The following NOSTRIN variants were observed in gnomAD, a reference collection of about 807,000 sequenced individuals.
NOSTRIN encodes the protein BM247 homolog.
NOSTRIN carries 63 observed loss-of-function variants against 59.0 expected under a neutral mutation model. The ratio of observed to expected loss-of-function variants is 1.07; its 90% confidence interval spans 0.87 to 1.32. The LOEUF (loss-of-function observed/expected upper bound fraction) is 1.32, where lower values mean the gene tolerates loss of function less well. Ranked by LOEUF, NOSTRIN falls within the 40% of genes most tolerant of loss-of-function variation. The probability of loss-of-function intolerance (pLI) is 0.00; values close to 1 mark genes in which losing one functional copy is unlikely to be tolerated. For synonymous variants in NOSTRIN, 200 were observed against 165.4 expected (o/e 1.21, Z -1.61); for missense variants, 512 against 473.1 (o/e 1.08, Z -0.76).
upstream of NOSTRIN, among the ~76,000 whole-genome samples, chr2:168,794,353 A>AATTT (rs139630098): frequency 7.1e-6 from 1 of 141,632 alleles, no homozygotes; most frequent in Admixed American, 7.2e-5. Flanking sequence ...AAAAGGGATG[A>AATTT]TTTTTTTTTT....
intron 2 of NOSTRIN, among the ~76,000 whole-genome samples, chr2:168,790,125 T>G (rs1372486099): frequency 6.6e-6 from 1 of 152,210 alleles, no homozygotes; most frequent in Non-Finnish European, 1.5e-5. Context: ...CTTTGCCTCG[T>G]GTGTTGAACC....
At chr2:168,854,613 C>A (rs1688965083) in intron 10 of NOSTRIN, among the ~76,000 whole-genome samples, 1 of 152,022 alleles carries the variant, frequency 6.6e-6, no homozygotes. Flanking sequence ...TATTTTTTTG[C>A]TCATGCAACA....
chr2:168,831,597 A>G, intron 6 of NOSTRIN, 63 bp downstream of exon 6: 2 of 800,224 alleles, frequency 2.5e-6, no homozygotes, highest in Middle Eastern at 5.0e-4. Flanking sequence ...TTTTGCTTTC[A>G]TACAAATGCG....
intron 1 of NOSTRIN, 72 bp downstream of exon 1, chr2:168,802,745 T>C: frequency 1.2e-6 from 1 of 838,036 alleles, no homozygotes; most frequent in Non-Finnish European, 2.1e-6. Flanking sequence ...ATTAATGGAT[T>C]TTAACTTAAG....
rs924572899 is a variant in NOSTRIN at position 168,831,608 on chromosome 2, A to G, written c.405+74A>G. 7.6e-6 allele frequency: 6 copies of G among 787,666 alleles called. No homozygotes were observed. The African/African-American group carries it at 8.4e-5, about 11-fold the overall frequency. 48.8% of individuals were successfully genotyped at this position (787,666 alleles called of 1,614,324 possible). On this transcript the variant is annotated intron_variant, in intron 6 of 15. Coordinates refer to ENST00000317647, the MANE Select transcript of NOSTRIN (RefSeq NM_001039724.4). ...AGTGTTTTGCTTTCATACAAATGCGATGACATGTTCTAGCATTAGTACTTC... is the reference window on the plus strand; with the variant it reads ...AGTGTTTTGCTTTCATACAAATGCGGTGACATGTTCTAGCATTAGTACTTC...
In NOSTRIN at chr2:168,828,074, T is replaced by C. The variant is rs1687149340; in HGVS notation, c.198-84T>C. ...CAATTGTTGAATGTGGTGAATCAGA[T>C]GCGATGCTGTATTTCTAGCCAGCAC... On this transcript the variant is annotated intron_variant, in intron 3 of 15. Transcript: ENST00000317647. The C allele has an allele frequency of 3.6e-6, 3 of 822,354 alleles. No individual in the cohort carries two copies. The South Asian group carries it at 4.0e-5, about 11-fold the overall frequency. 50.9% of individuals were successfully genotyped at this position (822,354 alleles called of 1,614,324 possible).
At chr2:168,791,097 T>G (rs1471820233) in intron 2 of NOSTRIN, among the ~76,000 whole-genome samples, 1 of 152,166 alleles carries the variant, frequency 6.6e-6, no homozygotes, top group African/African-American at 2.4e-5. Flanking sequence ...ACCCATTAAC[T>G]CATCATTTAA....
At chr2:168,863,906 G>C (rs1268680750) in intron 15 of NOSTRIN, among the ~76,000 whole-genome samples, 1 of 151,746 alleles carries the variant, frequency 6.6e-6, no homozygotes, top group Non-Finnish European at 1.5e-5. Flanking sequence ...GATCCAACGT[G>C]ATCTTTTTTT....
At chr2:168,850,191 G>A (rs146572211) in intron 8 of NOSTRIN, among the ~76,000 whole-genome samples, 34 of 152,190 alleles carry the variant, frequency 2.2e-4, no homozygotes, top group African/African-American at 8.2e-4. Context: ...GGGATTATAG[G>A]CATGAGCCAC....
chr2:168,806,665 T>C (rs543261170), intron 1 of NOSTRIN, among the ~76,000 whole-genome samples: 4 of 152,280 alleles, frequency 2.6e-5, no homozygotes, highest in Admixed American at 6.5e-5. Context: ...AACCTCATCG[T>C]GTTTTTTTCC....
intron 11 of NOSTRIN, chr2:168,856,462 C>G (rs1351230440): frequency 7.8e-6 from 4 of 516,054 alleles, no homozygotes; most frequent in Non-Finnish European, 1.4e-5. Context: ...GTAATCCCAG[C>G]TACTCAAGAG....
chr2:168,834,541 A>ACACACACACACACACC (rs58702721), intron 7 of NOSTRIN, among the ~76,000 whole-genome samples: 1,789 of 139,898 alleles, frequency 0.013, 13 homozygotes, highest in Non-Finnish European at 0.017. Context: ...ACACACACAC[A>ACACACACACACACACC]CCACATACAT....
intron 7 of NOSTRIN, among the ~76,000 whole-genome samples, chr2:168,840,362 C>T (rs1031152784): frequency 6.6e-6 from 1 of 151,842 alleles, no homozygotes; most frequent in Non-Finnish European, 1.5e-5. Flanking sequence ...AACCCCGTCT[C>T]TACTAAAAAT....
intron 12 of NOSTRIN, among the ~76,000 whole-genome samples, chr2:168,857,884 C>T (rs544883313): frequency 8.8e-4 from 134 of 152,248 alleles, no homozygotes; most frequent in Non-Finnish European, 1.8e-3. Flanking sequence ...AGTGAGGTAT[C>T]GCTGACCTAG....
At chr2:168,792,566 C>T (rs1285920602) in intron 2 of NOSTRIN, among the ~76,000 whole-genome samples, 1 of 152,178 alleles carries the variant, frequency 6.6e-6, no homozygotes, top group East Asian at 1.9e-4. Context: ...TCTTCTGCCT[C>T]AGGCTCCTGA....
chr2:168,861,146 G>A (rs1457430720), intron 14 of NOSTRIN, among the ~76,000 whole-genome samples: 1 of 152,182 alleles, frequency 6.6e-6, no homozygotes, highest in African/African-American at 2.4e-5. Context: ...TCAGATGACT[G>A]GCATCCACCT....
intron 2 of NOSTRIN, among the ~76,000 whole-genome samples, chr2:168,818,570 A>G (rs560622599): frequency 3.1e-4 from 47 of 152,316 alleles, no homozygotes; most frequent in African/African-American, 1.1e-3. Flanking sequence ...TATTGATTAC[A>G]TGGTCACATA....
rs1261829060 is a variant in NOSTRIN at position 168,831,364 on chromosome 2, A to T, written c.343-108A>T. On this transcript the variant is annotated intron_variant, in intron 5 of 15. Coordinates refer to ENST00000317647, the MANE Select transcript of NOSTRIN (RefSeq NM_001039724.4). ...TCCACCTCCAAATACCATCACATTG[A>T]GGGAATAGGTTTCAATCGATACATT... 2.5e-5 allele frequency: 17 copies of T among 671,146 alleles called. No homozygotes were observed. The East Asian group carries it at 4.4e-4, about 17-fold the overall frequency. The allele number at this position is 671,146 out of a possible 1,614,324, so 41.6% of individuals were successfully genotyped here.
At chr2:168,864,801 C>T in intron 15 of NOSTRIN, 33 bp from the exon 16 acceptor site, 3 of 1,612,450 alleles carry the variant, frequency 1.9e-6, no homozygotes, top group Non-Finnish European at 2.5e-6. Flanking sequence ...GTTCACATCA[C>T]AGAGACCCAT....
Sources: gnomAD v4.1 joint callset for allele counts (sites outside exome capture counted in the v4.1 genomes callset) on GRCh38, gnomAD v4.1.1 for gene constraint, MANE v1.5 for transcripts, NCBI Gene and HGNC (gene_info 2026-07-23, HGNC 2026-07-21) for gene names.